The following KIAA1217 variants were observed in gnomAD, a reference collection of about 807,000 sequenced individuals.
The protein encoded by KIAA1217 is KIAA1217.
A neutral mutation model predicts 163.9 loss-of-function variants in KIAA1217; 88 were observed. That is an observed-to-expected ratio of 0.54 (90% CI 0.45 to 0.64). KIAA1217 has a LOEUF of 0.64. KIAA1217 is among the 30% of genes least tolerant of loss of function. The pLI, the probability that KIAA1217 is intolerant of heterozygous loss-of-function variation, is 0.00. For missense variants in KIAA1217, 2,372 were observed against 2,475.0 expected (o/e 0.96, Z 0.88); for synonymous variants, 903 against 923.1 (o/e 0.98, Z 0.39).
intron 2 of KIAA1217, chr10:24,367,285 G>A (rs995768308): frequency 1.3e-5 from 5 of 385,472 alleles, no homozygotes; most frequent in Non-Finnish European, 1.8e-5. Flanking sequence ...ATTCTAATCA[G>A]TGTCAGCCAC....
intron 2 of KIAA1217, among the ~76,000 whole-genome samples, chr10:24,254,498 G>A (rs1253855111): frequency 6.6e-6 from 1 of 152,224 alleles, no homozygotes; most frequent in Non-Finnish European, 1.5e-5. Context: ...CATACCATTA[G>A]GAAATGGGGG....
rs148555145 is a variant in KIAA1217, at chr10:24,540,688, G to C, written c.3535-2005G>C. On this transcript the variant is annotated intron_variant, in intron 17 of 20. Transcript: ENST00000376454. ...ATTCAGGGGGCAAATTCTCATTTGGGTCCTAGCATGATATGCTGACTCCAT... is the reference window on the plus strand; with the variant it reads ...ATTCAGGGGGCAAATTCTCATTTGGCTCCTAGCATGATATGCTGACTCCAT... Among the ~76,000 whole-genome samples, 108 of 152,280 alleles carry C rather than the reference G, an allele frequency of 7.1e-4. 1 individual carries two copies. The highest frequency in any genetic ancestry group is 2.4e-3 in the African/African-American group (100 of 41,542).
chr10:24,494,475 A>C (rs1420919165), intron 6 of KIAA1217, 25 bp from the exon 7 acceptor site: 1 of 1,577,426 alleles, frequency 6.3e-7, no homozygotes, highest in Non-Finnish European at 8.7e-7. Context: ...ATAAAGCTTT[A>C]ACAAACAATT....
At chr10:24,314,786 C>CA (rs1231410329) in intron 2 of KIAA1217, among the ~76,000 whole-genome samples, 7 of 151,560 alleles carry the variant, frequency 4.6e-5, no homozygotes, top group South Asian at 2.1e-4. Flanking sequence ...ACTAAAAATA[C>CA]AAAAAAAATC....
chr10:23,835,704 C>A (rs1389023350), intron 1 of KIAA1217, among the ~76,000 whole-genome samples: 1 of 152,078 alleles, frequency 6.6e-6, no homozygotes, highest in Non-Finnish European at 1.5e-5. Flanking sequence ...TTCCTTTTAT[C>A]TTCTAGCCTC....
chr10:23,861,889 C>T (rs1261154098), intron 1 of KIAA1217, among the ~76,000 whole-genome samples: 1 of 152,166 alleles, frequency 6.6e-6, no homozygotes, highest in East Asian at 1.9e-4. Flanking sequence ...AATTGAGCCA[C>T]CAGGACTTCT....
At chr10:24,191,800 C>G (rs2066732921) in intron 2 of KIAA1217, among the ~76,000 whole-genome samples, 2 of 152,212 alleles carry the variant, frequency 1.3e-5, no homozygotes, top group African/African-American at 4.8e-5. Context: ...GTTGCCCAGG[C>G]TGGAGTGCAA....
At chr10:24,382,971 C>T (rs2053521906) in intron 3 of KIAA1217, among the ~76,000 whole-genome samples, 1 of 151,386 alleles carries the variant, frequency 6.6e-6, no homozygotes, top group South Asian at 2.1e-4. Context: ...TCTCAGCCTT[C>T]AGAGTAGATG....
At chr10:24,495,254 G>A in intron 8 of KIAA1217, 58 bp downstream of exon 8, 1 of 1,396,734 alleles carries the variant, frequency 7.2e-7, no homozygotes, top group Non-Finnish European at 1.0e-6. Flanking sequence ...ATGAGCCCTG[G>A]CTGGTCTCAG....
In KIAA1217 at chr10:24,547,369, A is replaced by G. The variant is rs1253494391; in HGVS notation, c.*1045A>G. The G allele has an allele frequency of 6.6e-6, 1 of 152,670 alleles. No homozygotes were observed. The highest frequency in any genetic ancestry group is 1.5e-5 in the Non-Finnish European group (1 of 68,044). The allele number at this position is 152,670 out of a possible 1,614,324, so 9.5% of individuals were successfully genotyped here. A position where few individuals can be genotyped will look rare whatever the true frequency, so the allele number is the denominator to read the frequency against. ...AGTATCCATACATTTTTAAAAAGCA[A>G]CAAGTTTGCACAGCTAGAGTGTTTT... On this transcript the variant is annotated 3_prime_UTR_variant, in exon 21 of 21. Transcript: ENST00000376454.
chr10:24,298,066 CAAA>C (rs1243988155), intron 2 of KIAA1217, among the ~76,000 whole-genome samples: 1 of 151,984 alleles, frequency 6.6e-6, no homozygotes, highest in African/African-American at 2.4e-5. Context: ...TTTATATAAA[CAAA>C]AATTAAATAT....
intron 2 of KIAA1217, among the ~76,000 whole-genome samples, chr10:24,144,159 T>C (rs192093047): frequency 6.6e-6 from 1 of 152,396 alleles, no homozygotes; most frequent in African/African-American, 2.4e-5. Context: ...TGTTTATTCA[T>C]ATGTTCATTC....
chr10:24,530,766 C>T (rs1401779279), intron 14 of KIAA1217, among the ~76,000 whole-genome samples: 1 of 152,124 alleles, frequency 6.6e-6, no homozygotes, highest in Non-Finnish European at 1.5e-5. Flanking sequence ...GGCATGGTGG[C>T]ACACACCTGC....
At chr10:23,812,488 CTT>C (rs74991359) in intron 1 of KIAA1217, among the ~76,000 whole-genome samples, 1 of 151,402 alleles carries the variant, frequency 6.6e-6, no homozygotes, top group South Asian at 2.1e-4. Flanking sequence ...ATTATTGTTT[CTT>C]TTTTTTTATT....
At chr10:23,867,478 G>T (rs1389658845) in intron 1 of KIAA1217, among the ~76,000 whole-genome samples, 4 of 152,166 alleles carry the variant, frequency 2.6e-5, no homozygotes, top group Non-Finnish European at 5.9e-5. Flanking sequence ...CAGTTTAAAA[G>T]TGTTCCTATT....
intron 2 of KIAA1217, among the ~76,000 whole-genome samples, chr10:24,184,113 T>C (rs2066310459): frequency 6.6e-6 from 1 of 152,260 alleles, no homozygotes; most frequent in Non-Finnish European, 1.5e-5. Flanking sequence ...ACAAACACTT[T>C]AGCTTTCAAC....
intron 1 of KIAA1217, among the ~76,000 whole-genome samples, chr10:23,824,656 A>ATTATAT (rs1564453885): frequency 3.6e-5 from 3 of 82,314 alleles, no homozygotes; most frequent in African/African-American, 1.7e-4. Context: ...AAAAATAAAA[A>ATTATAT]AAATATATAT....
Position 23,862,892 on chromosome 10 carries a change from TTTC to T in KIAA1217, c.-320-144324_-320-144322del, listed in dbSNP as rs1335253919. On this transcript the variant is annotated intron_variant, in intron 1 of 18. Transcript: ENST00000376462. The stretch of plus-strand genomic sequence containing the variant: ...CCTTGAAAAATATTAATATTTACCA[TTTC>T]TTCTTCTTTATTCTTTGCTCTGAAA... Among the ~76,000 whole-genome samples, 5 of 152,268 alleles carry T rather than the reference TTTC, an allele frequency of 3.3e-5. No homozygotes were observed. The East Asian group carries it at 9.7e-4, about 29-fold the overall frequency.
intron 2 of KIAA1217, among the ~76,000 whole-genome samples, chr10:24,140,556 A>G (rs542859863): frequency 6.6e-6 from 1 of 152,228 alleles, no homozygotes; most frequent in African/African-American, 2.4e-5. Flanking sequence ...CTTAGGGTAG[A>G]TCCTCTGGAC....
Sources: gnomAD v4.1 joint callset for allele counts (sites outside exome capture counted in the v4.1 genomes callset) on GRCh38, gnomAD v4.1.1 for gene constraint, MANE v1.5 for transcripts, NCBI Gene and HGNC (gene_info 2026-07-23, HGNC 2026-07-21) for gene names.